PLEKHJ1: variants seen among roughly 807,000 people sequenced by gnomAD.
PLEKHJ1 encodes the protein pleckstrin homology domain containing J1.
PLEKHJ1 carries 20 observed loss-of-function variants against 21.7 expected under a neutral mutation model. The ratio of observed to expected loss-of-function variants is 0.92; its 90% CI spans 0.65 to 1.34. The LOEUF is 1.34. Ranked by LOEUF, PLEKHJ1 falls within the 40% of genes most tolerant of loss-of-function variation. The pLI, the probability that PLEKHJ1 is intolerant of heterozygous loss-of-function variation, is 0.00. For missense variants in PLEKHJ1, 241 were observed against 202.0 expected, an observed-to-expected ratio of 1.19 and a Z score of -1.17; for synonymous variants, 113 against 80.6, an observed-to-expected ratio of 1.40 and a Z score of -2.15.
At position 2,233,774 on chromosome 19, in the gene PLEKHJ1, C is replaced by T; in HGVS notation, c.*66G>A. 6.9e-7 allele frequency: 1 copy of T among 1,451,358 alleles called. No homozygotes were observed. The allele number at this position is 1,451,358 out of a possible 1,614,324, so 89.9% of individuals were successfully genotyped here. On this transcript the variant is annotated 3_prime_UTR_variant, in exon 6 of 6. Coordinates refer to ENST00000326631, the MANE Select transcript of PLEKHJ1 (RefSeq NM_018049.3). ...CAAAACAAAACAGATCCAGGCATGG[C>T]CAAGCGATTCATGGCTGGGCAGGGC... is the stretch of plus-strand genomic sequence containing the variant.
Position 2,233,642 on chromosome 19 carries a change from G to A in PLEKHJ1, c.*198C>T, listed in dbSNP as rs147187646. Reference sequence around the variant, plus strand: ...TGATCCCCGCTACTTGGGAAGCTGAGGCAGGAGGATCACTTGAGTCCAGAA... The same window carrying A: ...TGATCCCCGCTACTTGGGAAGCTGAAGCAGGAGGATCACTTGAGTCCAGAA... On this transcript the variant is annotated 3_prime_UTR_variant, in exon 6 of 6. Coordinates refer to ENST00000326631, the MANE Select transcript of PLEKHJ1 (RefSeq NM_018049.3). The A allele has an allele frequency of 1.0e-3, 605 of 581,672 alleles. 4 individuals are homozygous for A. Among genetic ancestry groups the A allele is most frequent in the African/African-American group, 8.2e-3 (443 of 53,772 alleles). The allele number at this position is 581,672 out of a possible 1,614,324, so 36.0% of individuals were successfully genotyped here. A position where few individuals can be genotyped will look rare whatever the true frequency, so the allele number is the denominator to read the frequency against.
chr19:2,230,080 A>T (rs2024532608), downstream of PLEKHJ1: 1 of 597,420 alleles, frequency 1.7e-6, no homozygotes, highest in African/African-American at 1.9e-5. Flanking sequence ...AGAAATATAA[A>T]TATCTATATA....
chr19:2,231,282 T>C (rs1255977040), downstream of PLEKHJ1: 2 of 222,676 alleles, frequency 9.0e-6, no homozygotes, highest in Non-Finnish European at 1.8e-5. Flanking sequence ...GGGGAGCCCC[T>C]TCCCCAAGGT....
downstream of PLEKHJ1, chr19:2,230,314 T>C: frequency 2.4e-6 from 1 of 416,104 alleles, no homozygotes; most frequent in East Asian, 3.5e-5. Flanking sequence ...ACCACATTCC[T>C]CGGAGGCCTC....
In PLEKHJ1 at chr19:2,233,828, C is replaced by T. The variant is rs367557716; in HGVS notation, c.*12G>A. ...TCCCGTCCCGCTGCACGCTGACCAC[C>T]GTGCCCTGCGCTCACGCCTGCAAGC... is the stretch of plus-strand genomic sequence containing the variant. On this transcript the variant is annotated 3_prime_UTR_variant, in exon 6 of 6. Transcript: ENST00000326631. 1.5e-4 allele frequency: 232 copies of T among 1,597,190 alleles called. No homozygotes were observed. Among genetic ancestry groups the T allele is most frequent in the Middle Eastern group, 1.9e-4 (1 of 5,290 alleles).
chr19:2,230,027 T>G, downstream of PLEKHJ1: 1 of 673,232 alleles, frequency 1.5e-6, no homozygotes, highest in South Asian at 2.0e-5. Context: ...TAAACAATTC[T>G]GACTTATTTT....
chr19:2,234,404 T>A, intron 3 of PLEKHJ1, 164 bp from the exon 4 acceptor site: 1 of 591,870 alleles, frequency 1.7e-6, no homozygotes, highest in Non-Finnish European at 3.0e-6. Flanking sequence ...GGTCTTTGCA[T>A]ATAAACTAGT....
rs371224445 is a variant in PLEKHJ1, at chr19:2,234,144, C to A, written c.320+6G>T. 8.1e-6 allele frequency: 13 copies of A among 1,611,938 alleles called. No individual in the cohort carries two copies. Among genetic ancestry groups the A allele is most frequent in the Non-Finnish European group, 1.1e-5 (13 of 1,179,674 alleles). ...CCCAGCAGTGCCCACCACCGCCTGG[C>A]CCCACCTGGCCCGACGCAGAGCCTC... On this transcript the variant is annotated splice_donor_region_variant and intron_variant, in intron 4 of 5. Coordinates refer to ENST00000326631, the MANE Select transcript of PLEKHJ1 (RefSeq NM_018049.3).
At chr19:2,231,147 G>GT, downstream of PLEKHJ1, 1 of 228,540 alleles carries the variant, frequency 4.4e-6, no homozygotes, top group Non-Finnish European at 8.7e-6. Context: ...TGTCTGAGCA[G>GT]TGGTGGCTCT....
In PLEKHJ1 at chr19:2,233,453, A is replaced by C; in HGVS notation, c.*387T>G. 5 of 249,184 alleles carry C rather than the reference A, an allele frequency of 2.0e-5. No homozygotes were observed. The highest frequency in any genetic ancestry group is 2.3e-5 in the Non-Finnish European group (3 of 128,492). The allele number at this position is 249,184 out of a possible 1,614,324, so 15.4% of individuals were successfully genotyped here. ...AGCACGTGGCACCAGGTGCCAGGCC[A>C]GTTAGGTGGATCCTGGGGCCCCAGG... On this transcript the variant is annotated 3_prime_UTR_variant, in exon 6 of 6. Transcript: ENST00000326631.
Position 2,233,813 on chromosome 19 carries a change from C to T in PLEKHJ1, c.*27G>A, listed in dbSNP as rs1381677698. 6.3e-7 allele frequency: 1 copy of T among 1,576,490 alleles called. No individual in the cohort carries two copies. Among genetic ancestry groups the T allele is most frequent in the Non-Finnish European group, 8.6e-7 (1 of 1,163,626 alleles). On this transcript the variant is annotated 3_prime_UTR_variant, in exon 6 of 6. Transcript: ENST00000326631. ...GCTGGGCAGGGCCAGTCCCGTCCCG[C>T]TGCACGCTGACCACCGTGCCCTGCG...
At chr19:2,230,840 CAG>C (rs1453166131), downstream of PLEKHJ1, 4 of 364,716 alleles carry the variant, frequency 1.1e-5, no homozygotes, top group African/African-American at 8.3e-5. Flanking sequence ...GCAGCCCAGA[CAG>C]AGCTGCCGGC....
In PLEKHJ1 at chr19:2,233,707, G is replaced by C. The variant is rs1030985825; in HGVS notation, c.*133C>G. ...TGAGCTGTGGCACCACTGCACTCTA[G>C]CCTGGGCAACACAGTGAAACCCTGA... On this transcript the variant is annotated 3_prime_UTR_variant, in exon 6 of 6. Coordinates refer to ENST00000326631, the MANE Select transcript of PLEKHJ1 (RefSeq NM_018049.3). 5.2e-6 allele frequency: 4 copies of C among 774,200 alleles called. No homozygotes were observed. In the East Asian group the frequency reaches 8.1e-5, roughly 16 times the overall value. 48.0% of individuals were successfully genotyped at this position (774,200 alleles called of 1,614,324 possible).
chr19:2,232,687 G>C (rs537882515), downstream of PLEKHJ1: 151 of 180,122 alleles, frequency 8.4e-4, no homozygotes, highest in African/African-American at 3.5e-3. Flanking sequence ...GGAGGGCCTA[G>C]GGGTGCTCCT....
chr19:2,230,900 C>G (rs888852516), downstream of PLEKHJ1: 13 of 303,786 alleles, frequency 4.3e-5, no homozygotes, highest in Non-Finnish European at 5.4e-5. Flanking sequence ...CGCCTGGCAC[C>G]CATCCCTTGG....
In PLEKHJ1 at chr19:2,236,236, C is replaced by A. The variant is rs942544836; in HGVS notation, c.13G>T (p.Glu5Ter). MRYN[E>*]KELQALSRQP... ...CGGGACAGAGCCTGCAGCTCCTTCT[C>A]GTTGTACCGCATGGCTCCGCGGGGA... The change falls in exon 1 of 6, where the codon GAG becomes TAG. Residue 5 changes from glutamate (E) to a stop codon, truncating the protein, a stop_gained. Transcript: ENST00000326631. LOFTEE classifies it high-confidence loss of function. 1.4e-6 allele frequency: 2 copies of A among 1,440,234 alleles called. No individual in the cohort carries two copies. Among genetic ancestry groups the A allele is most frequent in the Admixed American group, 3.2e-5 (1 of 30,972 alleles). 89.2% of individuals were successfully genotyped at this position (1,440,234 alleles called of 1,614,324 possible).
chr19:2,235,854 G>C, intron 2 of PLEKHJ1, 26 bp from the exon 3 acceptor site: 2 of 1,573,018 alleles, frequency 1.3e-6, no homozygotes, highest in Non-Finnish European at 1.7e-6. Flanking sequence ...GCGCCGGGAC[G>C]GGGCAGTGAG....
chr19:2,233,923 G>A lies in PLEKHJ1; in HGVS notation c.385-18C>T. 1 of 1,612,650 alleles carries A rather than the reference G, an allele frequency of 6.2e-7. No individual in the cohort carries two copies. The highest frequency in any genetic ancestry group is 1.7e-5 in the Admixed American group (1 of 60,020). The stretch of plus-strand genomic sequence containing the variant: ...AGGGGGTCCTGTGGGGAGGACGGGT[G>A]GCCATGAGCCAGGGCTGGAGGACTG... On this transcript the variant is annotated intron_variant, in intron 5 of 5. Transcript: ENST00000326631.
At position 2,233,683 on chromosome 19, in the gene PLEKHJ1, G is replaced by A. The variant is rs1046397737; in HGVS notation, c.*157C>T. 1.9e-5 allele frequency: 12 copies of A among 641,980 alleles called. No individual in the cohort carries two copies. In the African/African-American group the frequency reaches 2.2e-4, roughly 12 times the overall value. The allele number at this position is 641,980 out of a possible 1,614,324, so 39.8% of individuals were successfully genotyped here. ...GAGTCCAGAAGGTCAAGGTCACAGT[G>A]AGCTGTGGCACCACTGCACTCTAGC... On this transcript the variant is annotated 3_prime_UTR_variant, in exon 6 of 6. Coordinates refer to ENST00000326631, the MANE Select transcript of PLEKHJ1 (RefSeq NM_018049.3).
Sources: gnomAD v4.1 joint callset for allele counts on GRCh38, gnomAD v4.1.1 for gene constraint, MANE v1.5 for transcripts, NCBI Gene and HGNC (gene_info 2026-07-23, HGNC 2026-07-21) for gene names.